Variants in ADARB2 observed in about 807,000 individuals in gnomAD.
The protein encoded by ADARB2 is adenosine deaminase RNA specific B2 (inactive).
In ADARB2, 25 loss-of-function variants were observed where a neutral mutation model predicts 62.2. The observed-to-expected ratio is 0.40, with a 90% CI of 0.29 to 0.56. The LOEUF is 0.56. ADARB2 is among the 20% of genes least tolerant of loss of function. The pLI is 0.43. For missense variants in ADARB2, 1,071 were observed against 1,077.4 expected (o/e 0.99, Z 0.08); for synonymous variants, 572 against 500.8 (o/e 1.14, Z -1.90).
intron 7 of ADARB2, among the ~76,000 whole-genome samples, chr10:1,214,153 T>TC: frequency 8.7e-6 from 1 of 115,206 alleles, no homozygotes; most frequent in Non-Finnish European, 1.9e-5. Flanking sequence ...GTGTCCAGCG[T>TC]AGTGTAGGTT....
In ADARB2 at chr10:1,226,758, C is replaced by T. The variant is rs375617122; in HGVS notation, c.1513+6936G>A. The stretch of plus-strand genomic sequence containing the variant: ...TGAACCGCAGATGCTTCTGCCTGAT[C>T]GTTCCTCTGGAAGTTTTGTCTTAGA... On this transcript the variant is annotated intron_variant, in intron 6 of 9. Transcript: ENST00000381312. 1.1e-3 allele frequency among the ~76,000 whole-genome samples: 166 copies of T among 152,322 alleles called. 1 individual carries two copies. The Middle Eastern group carries it at 0.024, about 22-fold the overall frequency.
chr10:1,481,034 T>C (rs1202587352), intron 1 of ADARB2, among the ~76,000 whole-genome samples: 1 of 152,172 alleles, frequency 6.6e-6, no homozygotes, highest in African/African-American at 2.4e-5. Context: ...GAGAACAAAG[T>C]TGGAGAATCC....
intron 1 of ADARB2, among the ~76,000 whole-genome samples, chr10:1,629,446 T>A (rs1170801956): frequency 1.3e-5 from 2 of 151,882 alleles, no homozygotes; most frequent in African/African-American, 2.4e-5. Context: ...AGCTAAAGCC[T>A]CAGCGCTCAA....
At chr10:1,473,817 G>T (rs982697436) in intron 1 of ADARB2, among the ~76,000 whole-genome samples, 2 of 152,226 alleles carry the variant, frequency 1.3e-5, no homozygotes, top group African/African-American at 2.4e-5. Context: ...TGGGCAATTT[G>T]GGTGGCTTCT....
At chr10:1,410,386 C>T (rs1033115094) in intron 1 of ADARB2, among the ~76,000 whole-genome samples, 8 of 152,310 alleles carry the variant, frequency 5.3e-5, no homozygotes, top group South Asian at 4.1e-4. Context: ...GCTGCTGCCA[C>T]GAGCACAGTA....
chr10:1,694,142 A>G (rs1489559518), intron 1 of ADARB2, among the ~76,000 whole-genome samples: 1 of 152,212 alleles, frequency 6.6e-6, no homozygotes, highest in African/African-American at 2.4e-5. Flanking sequence ...TTATTAGAGC[A>G]GTTATTATTT....
intron 1 of ADARB2, among the ~76,000 whole-genome samples, chr10:1,596,634 G>A (rs1011103449): frequency 1.3e-5 from 2 of 152,180 alleles, no homozygotes; most frequent in African/African-American, 4.8e-5. Context: ...GGATGGACCC[G>A]CTGGCTGAGT....
intron 3 of ADARB2, among the ~76,000 whole-genome samples, chr10:1,275,515 CT>C (rs11447456): frequency 3.3e-5 from 5 of 151,088 alleles, no homozygotes; most frequent in Non-Finnish European, 7.4e-5. Flanking sequence ...TCCTTCTTTT[CT>C]TTTTTTTTAA....
rs1786788340 is a variant in ADARB2, at chr10:1,327,036, A to ACGGCACAGCGC, written c.1077+35991_1077+35992insGCGCTGTGCCG. 6.1e-5 allele frequency among the ~76,000 whole-genome samples: 3 copies of ACGGCACAGCGC among 49,290 alleles called. 1 individual carries two copies. Among genetic ancestry groups the ACGGCACAGCGC allele is most frequent in the Admixed American group, 1.7e-4 (1 of 5,718 alleles). The allele number at this position is 49,290 out of a possible 152,430, so 32.3% of individuals were successfully genotyped here. A position where few individuals can be genotyped will look rare whatever the true frequency, so the allele number is the denominator to read the frequency against. On this transcript the variant is annotated intron_variant, in intron 3 of 9. Coordinates refer to ENST00000381312, the MANE Select transcript of ADARB2 (RefSeq NM_018702.4). ...CCTCCCCACGGCACAGCGCCTCCCCACTGCCCAGCGCCTCCCCACTGCCCA... is the reference window on the plus strand; with the variant it reads ...CCTCCCCACGGCACAGCGCCTCCCCACGGCACAGCGCCTGCCCAGCGCCTCCCCACTGCCCA...
At position 1,724,286 on chromosome 10, in the gene ADARB2, G is replaced by T. The variant is rs375590560; in HGVS notation, c.100+12765C>A. On this transcript the variant is annotated intron_variant, in intron 1 of 9. Coordinates refer to ENST00000381312, the MANE Select transcript of ADARB2 (RefSeq NM_018702.4). ...CTGCATCTGGCCCATACAGAACCAT[G>T]AGGTGCACAATTCTTGCCTGGCTAA... is the stretch of plus-strand genomic sequence containing the variant. Among the ~76,000 whole-genome samples, 80 of 152,312 alleles carry T rather than the reference G, an allele frequency of 5.3e-4. No individual in the cohort carries two copies. The South Asian group carries it at 0.012, about 22-fold the overall frequency.
At chr10:1,422,944 G>A (rs77763255) in intron 1 of ADARB2, among the ~76,000 whole-genome samples, 10,122 of 152,238 alleles carry the variant, frequency 0.066, 505 homozygotes, top group Non-Finnish European at 0.098. Context: ...GATCCTGGGA[G>A]CAGTGGCACC....
chr10:1,504,401 GC>G (rs1259970117), intron 1 of ADARB2, among the ~76,000 whole-genome samples: 1 of 152,182 alleles, frequency 6.6e-6, no homozygotes, highest in African/African-American at 2.4e-5. Context: ...GGGAAATAAT[GC>G]ATCTGGCGCT....
At chr10:1,674,584 C>T (rs1468650511) in intron 1 of ADARB2, among the ~76,000 whole-genome samples, 1 of 152,014 alleles carries the variant, frequency 6.6e-6, no homozygotes, top group East Asian at 1.9e-4. Context: ...TCAAGTTACT[C>T]CTGTCAAGCC....
intron 1 of ADARB2, among the ~76,000 whole-genome samples, chr10:1,440,695 G>T (rs761602336): frequency 6.6e-6 from 1 of 152,160 alleles, no homozygotes; most frequent in Non-Finnish European, 1.5e-5. Flanking sequence ...GAACACTCTG[G>T]TCCAAGATAA....
rs186881202 is a variant in ADARB2, at chr10:1,560,294, T to G, written c.100+176757A>C. The stretch of plus-strand genomic sequence containing the variant: ...GGTCAGGAGTGATTAATTAGAAACA[T>G]TATTTGATCAAAACCACATTCGTTT... On this transcript the variant is annotated intron_variant, in intron 1 of 9. Transcript: ENST00000381312. Among the ~76,000 whole-genome samples the G allele has an allele frequency of 7.9e-5, 12 of 152,308 alleles. No homozygotes were observed. The East Asian group carries it at 2.3e-3, about 29-fold the overall frequency.
intron 1 of ADARB2, among the ~76,000 whole-genome samples, chr10:1,461,968 C>T (rs572129707): frequency 4.6e-5 from 7 of 152,316 alleles, no homozygotes; most frequent in African/African-American, 1.4e-4. Flanking sequence ...CACCACTGCA[C>T]TCCAGCCTGG....
intron 1 of ADARB2, among the ~76,000 whole-genome samples, chr10:1,528,240 C>G (rs61831922): frequency 6.6e-6 from 1 of 152,172 alleles, no homozygotes; most frequent in Non-Finnish European, 1.5e-5. Flanking sequence ...TGTGAGTGCC[C>G]GTGTTCACTT....
At chr10:1,576,013 A>C (rs1365869684) in intron 1 of ADARB2, among the ~76,000 whole-genome samples, 1 of 59,978 alleles carries the variant, frequency 1.7e-5, no homozygotes, top group Non-Finnish European at 3.3e-5. Flanking sequence ...TTCAGGATCC[A>C]TGGGAGGGGG....
rs745396541 is a variant in ADARB2 at position 1,183,319 on chromosome 10, C to A, written c.2094G>T (p.Glu698Asp). The A allele has an allele frequency of 1.9e-6, 3 of 1,614,082 alleles. No individual in the cohort carries two copies. The highest frequency in any genetic ancestry group is 2.5e-6 in the Non-Finnish European group (3 of 1,180,060). Residue 698 changes from glutamate (E) to aspartate (D), a missense_variant, in exon 10 of 10, where the codon GAG (glutamate) becomes GAT (aspartate). By Grantham distance (45) the Glu-to-Asp change is conservative. Coordinates refer to ENST00000381312, the MANE Select transcript of ADARB2 (RefSeq NM_018702.4). Reference protein sequence around the residue: ...SPGDTPSMYCEAKLGAHTYQS... With the variant: ...SPGDTPSMYCDAKLGAHTYQS... The stretch of plus-strand genomic sequence containing the variant: ...GGTAGGTGTGCGCCCCCAGCTTGGC[C>A]TCACAGTACATGGAGGGCGTGTCTC...
Sources: gnomAD v4.1 joint callset for allele counts (sites outside exome capture counted in the v4.1 genomes callset) on GRCh38, gnomAD v4.1.1 for gene constraint, MANE v1.5 for transcripts, NCBI Gene and HGNC (gene_info 2026-07-23, HGNC 2026-07-21) for gene names.